The following NBPF9 variants were observed in gnomAD, a reference collection of about 807,000 sequenced individuals.
NBPF9 encodes the protein NBPF family member NBPF9.
A neutral mutation model predicts 97.8 loss-of-function variants in NBPF9; 91 were observed. The ratio of observed to expected loss-of-function variants is 0.93; its 90% confidence interval spans 0.79 to 1.11. The LOEUF (loss-of-function observed/expected upper bound fraction) is 1.11, where lower values mean the gene tolerates loss of function less well. NBPF9 is among the 50% of genes least tolerant of loss of function. NBPF9 has a pLI of 0.00. For missense variants in NBPF9, 992 were observed against 939.5 expected (o/e 1.06, Z -0.73); for synonymous variants, 334 against 359.5 (o/e 0.93, Z 0.80).
In NBPF9 at chr1:149,070,224, G is replaced by A. The variant is rs587670020; in HGVS notation, c.1586-579C>T. Among the ~76,000 whole-genome samples, 9 of 151,126 alleles carry A rather than the reference G, an allele frequency of 6.0e-5. No individual in the cohort carries two copies. The South Asian group carries it at 1.1e-3, about 18-fold the overall frequency. On this transcript the variant is annotated intron_variant, in intron 16 of 29. Coordinates refer to ENST00000584027, the Ensembl canonical transcript of NBPF9. The stretch of plus-strand genomic sequence containing the variant: ...TGGTCCTAGCAACTCAGGAGACTGA[G>A]GCAGGAGAATCACTTGAATCTGGGA...
At chr1:149,095,723 G>A (rs1553661315) in intron 4 of NBPF9, among the ~76,000 whole-genome samples, 3 of 151,892 alleles carry the variant, frequency 2.0e-5, no homozygotes, top group African/African-American at 7.3e-5. Flanking sequence ...ATCATTTGTT[G>A]TGAGGGAATT....
At chr1:149,081,005 C>T (rs587623375) in intron 7 of NBPF9, among the ~76,000 whole-genome samples, 1 of 151,838 alleles carries the variant, frequency 6.6e-6, no homozygotes, top group African/African-American at 2.4e-5. Flanking sequence ...GCTGCTTCCA[C>T]ACATTCTCGG....
chr1:149,056,102 AG>A (rs2078217514), intron 29 of NBPF9, among the ~76,000 whole-genome samples: 1 of 119,754 alleles, frequency 8.4e-6, no homozygotes, highest in African/African-American at 2.8e-5. Flanking sequence ...AGACAGAGAG[AG>A]AAAGACAGAG....
exon 30 of NBPF9, chr1:149,055,310 A>G: frequency 2.2e-6 from 1 of 447,526 alleles, no homozygotes; most frequent in Non-Finnish European, 4.0e-6. Context: ...CACAAAGATG[A>G]CAATGACCTT....
chr1:149,097,443 A>T (rs192949), intron 4 of NBPF9, among the ~76,000 whole-genome samples: 15,656 of 151,914 alleles, frequency 0.1, 1,479 homozygotes, highest in East Asian at 0.48. Flanking sequence ...CCCCAAAGAA[A>T]GAGATGAGAC....
chr1:149,056,184 C>G (rs1575820098), intron 29 of NBPF9, among the ~76,000 whole-genome samples: 1 of 148,480 alleles, frequency 6.7e-6, no homozygotes, highest in Non-Finnish European at 1.5e-5. Flanking sequence ...AAAGGACACT[C>G]TGAGTTAGTG....
At chr1:149,103,148 C>T (rs1270410613) in intron 1 of NBPF9, among the ~76,000 whole-genome samples, 153 bp downstream of exon 1, 7 of 151,394 alleles carry the variant, frequency 4.6e-5, no homozygotes, top group African/African-American at 1.7e-4. Context: ...GAACTTAAGC[C>T]CCGGCGGGGC....
intron 17 of NBPF9, among the ~76,000 whole-genome samples, chr1:149,069,074 T>C (rs1368105053): frequency 2.6e-5 from 4 of 152,080 alleles, no homozygotes; most frequent in Non-Finnish European, 2.9e-5. Context: ...TTGAAACCAA[T>C]GAGAACAAAG....
intron 4 of NBPF9, among the ~76,000 whole-genome samples, chr1:149,096,392 G>T (rs2081766544): frequency 4.1e-5 from 1 of 24,562 alleles, no homozygotes; most frequent in African/African-American, 1.8e-4. Context: ...TTCATCAATT[G>T]TAACGAATGG....
rs1415454424 is a variant in NBPF9 at position 149,059,669 on chromosome 1, G to C, written c.2585+31C>G. 4 of 562,410 alleles carry C rather than the reference G, an allele frequency of 7.1e-6. 1 individual carries two copies. Among genetic ancestry groups the C allele is most frequent in the African/African-American group, 4.8e-5 (2 of 41,604 alleles). 34.8% of individuals were successfully genotyped at this position (562,410 alleles called of 1,614,324 possible). A position where few individuals can be genotyped will look rare whatever the true frequency, so the allele number is the denominator to read the frequency against. ...TCTGTTGCCTCCAGGTGTTAACACA[G>C]AACTAAGGATCCAGAATTGCTGAAA... On this transcript the variant is annotated intron_variant, in intron 25 of 29. Coordinates refer to ENST00000584027, the Ensembl canonical transcript of NBPF9.
At chr1:149,085,869 G>C (rs1220921892) in intron 5 of NBPF9, among the ~76,000 whole-genome samples, 1 of 151,888 alleles carries the variant, frequency 6.6e-6, no homozygotes, top group Non-Finnish European at 1.5e-5. Context: ...AACCAAGATA[G>C]AGGAAATTCC....
intron 5 of NBPF9, among the ~76,000 whole-genome samples, chr1:149,089,139 G>A (rs78089901): frequency 6.6e-6 from 1 of 152,032 alleles, no homozygotes; most frequent in African/African-American, 2.4e-5. Context: ...AGCAGGGAGG[G>A]CAAATCCATG....
rs1211751643 is a variant in NBPF9, at chr1:149,062,078, T to C, written c.2251+15A>G. 4,646 of 1,016,060 alleles carry C rather than the reference T, an allele frequency of 4.6e-3. 41 individuals are homozygous for C. Among genetic ancestry groups the C allele is most frequent in the Middle Eastern group, 0.011 (36 of 3,176 alleles). 62.9% of individuals were successfully genotyped at this position (1,016,060 alleles called of 1,614,324 possible). ...ACCAGGTGGAGGCTTATCACCTTCA[T>C]AGTAAGGTACTCACTGTCCAAGTCA... On this transcript the variant is annotated intron_variant, in intron 22 of 29. Transcript: ENST00000584027.
intron 8 of NBPF9, 47 bp from the exon 9 acceptor site, chr1:149,079,268 G>A: frequency 1.7e-6 from 2 of 1,160,058 alleles, no homozygotes; most frequent in Non-Finnish European, 2.6e-6. Flanking sequence ...AGGGTTGAGT[G>A]ATCCGTTCAA....
intron 20 of NBPF9, among the ~76,000 whole-genome samples, chr1:149,063,125 T>C (rs1310196172): frequency 1.4e-5 from 2 of 145,252 alleles, no homozygotes; most frequent in African/African-American, 5.3e-5. Flanking sequence ...CCTATTCTGG[T>C]AGACCGTTAT....
chr1:149,101,300 T>A lies in NBPF9; in HGVS notation c.-644A>T, dbSNP rs797034679. On this transcript the variant is annotated 5_prime_UTR_variant, in exon 3 of 30. Coordinates refer to ENST00000584027, the Ensembl canonical transcript of NBPF9. ...CTACTTGGGGGCTGAGGCAGGAGGATCACCTGAGCCTTGGGAGGTCAAGGT... is the reference window on the plus strand; with the variant it reads ...CTACTTGGGGGCTGAGGCAGGAGGAACACCTGAGCCTTGGGAGGTCAAGGT... 1.2e-4 allele frequency: 17 copies of A among 144,600 alleles called. 1 individual carries two copies. In the East Asian group the frequency reaches 3.5e-3, roughly 30 times the overall value. The allele number at this position is 144,600 out of a possible 1,614,324, so 9.0% of individuals were successfully genotyped here. A position where few individuals can be genotyped will look rare whatever the true frequency, so the allele number is the denominator to read the frequency against.
rs1165307876 is a variant in NBPF9, at chr1:149,061,424, T to C, written c.2252-41A>G. Reference sequence around the variant, plus strand: ...ACAGGGACAGACAAAATAAGCCAATTCACCTACACCCATAACAGTCCACTG... The same window carrying C: ...ACAGGGACAGACAAAATAAGCCAATCCACCTACACCCATAACAGTCCACTG... On this transcript the variant is annotated intron_variant, in intron 22 of 29. Coordinates refer to ENST00000584027, the Ensembl canonical transcript of NBPF9. 8 of 387,670 alleles carry C rather than the reference T, an allele frequency of 2.1e-5. 2 individuals are homozygous for C. Among genetic ancestry groups the C allele is most frequent in the African/African-American group, 2.1e-4 (7 of 34,076 alleles). The allele number at this position is 387,670 out of a possible 1,614,324, so 24.0% of individuals were successfully genotyped here. A position where few individuals can be genotyped will look rare whatever the true frequency, so the allele number is the denominator to read the frequency against.
chr1:149,061,554 G>A lies in NBPF9; in HGVS notation c.2252-171C>T, dbSNP rs1380698574. The A allele has an allele frequency of 1.9e-3, 694 of 370,146 alleles. 183 individuals are homozygous for A. The highest frequency in any genetic ancestry group is 0.018 in the African/African-American group (644 of 36,468). The allele number at this position is 370,146 out of a possible 1,614,324, so 22.9% of individuals were successfully genotyped here. The stretch of plus-strand genomic sequence containing the variant: ...AGCTGGTCATGATATTCTTTGGTTT[G>A]CATCTCAGAACCAAGGGTGAAATAT... On this transcript the variant is annotated intron_variant, in intron 22 of 29. Coordinates refer to ENST00000584027, the Ensembl canonical transcript of NBPF9.
chr1:149,068,266 A>T (rs1343773658), intron 17 of NBPF9, among the ~76,000 whole-genome samples: 1 of 150,060 alleles, frequency 6.7e-6, no homozygotes, highest in African/African-American at 2.5e-5. Flanking sequence ...GATCAAATTC[A>T]CACATAACAA....
Sources: gnomAD v4.1 joint callset for allele counts (sites outside exome capture counted in the v4.1 genomes callset) on GRCh38, gnomAD v4.1.1 for gene constraint, MANE v1.5 for transcripts, NCBI Gene and HGNC (gene_info 2026-07-23, HGNC 2026-07-21) for gene names.